Variants in SULF1 observed in about 807,000 individuals in gnomAD.
SULF1 encodes the protein extracellular sulfatase Sulf-1.
Under a neutral mutation model 110.5 loss-of-function variants are expected in SULF1, and 46 were observed. That is an observed-to-expected ratio of 0.42 (90% CI 0.33 to 0.53). SULF1 has a LOEUF of 0.53. SULF1 is among the 20% of genes least tolerant of loss of function. SULF1 has a pLI of 0.12. For missense variants in SULF1, 941 were observed against 1,094.2 expected, an observed-to-expected ratio of 0.86 and a Z score of 1.98; for synonymous variants, 371 against 387.1, an observed-to-expected ratio of 0.96 and a Z score of 0.49.
At chr8:69,573,459 T>C (rs1586439417) in intron 5 of SULF1, among the ~76,000 whole-genome samples, 1 of 152,318 alleles carries the variant, frequency 6.6e-6, no homozygotes, top group South Asian at 2.1e-4. Context: ...GAGATTACAG[T>C]GCTGCGATTC....
Position 69,652,849 on chromosome 8 carries a change from A to C in SULF1, c.2586-5656A>C, listed in dbSNP as rs1053322934. On this transcript the variant is annotated intron_variant, in intron 22 of 22. Transcript: ENST00000402687. ...GTCGCTTTTCTTTTTCTGTCCATAC[A>C]TCTTCTTCCACCACGCAGCTGCGTT... Among the ~76,000 whole-genome samples, 3 of 152,114 alleles carry C rather than the reference A, an allele frequency of 2.0e-5. No homozygotes were observed. In the East Asian group the frequency reaches 5.8e-4, roughly 29 times the overall value.
intron 19 of SULF1, among the ~76,000 whole-genome samples, chr8:69,633,151 T>C (rs1198755516): frequency 6.6e-6 from 1 of 152,208 alleles, no homozygotes; most frequent in Non-Finnish European, 1.5e-5. Flanking sequence ...CATTTTGTTC[T>C]CACTTATTAA....
intron 6 of SULF1, among the ~76,000 whole-genome samples, chr8:69,584,062 G>C (rs1806271983): frequency 6.6e-6 from 1 of 152,218 alleles, no homozygotes; most frequent in South Asian, 2.1e-4. Flanking sequence ...CTCAAAGTAG[G>C]CCTCTGAGGG....
chr8:69,517,976 T>C (rs1812052656), intron 3 of SULF1, among the ~76,000 whole-genome samples: 1 of 152,242 alleles, frequency 6.6e-6, no homozygotes, highest in African/African-American at 2.4e-5. Flanking sequence ...ATGGTTTGTA[T>C]ATTTTTGTTA....
At chr8:69,574,856 A>T (rs1805489581) in intron 5 of SULF1, among the ~76,000 whole-genome samples, 1 of 152,310 alleles carries the variant, frequency 6.6e-6, no homozygotes, top group African/African-American at 2.4e-5. Context: ...TCCTGTTCTC[A>T]TATGCGTCAT....
intron 3 of SULF1, among the ~76,000 whole-genome samples, chr8:69,531,797 T>C (rs1813101715): frequency 6.6e-6 from 1 of 152,194 alleles, no homozygotes; most frequent in Non-Finnish European, 1.5e-5. Flanking sequence ...TCTCTGGAAT[T>C]TCCAAGACGA....
chr8:69,566,279 C>T (rs1012986879), intron 5 of SULF1, among the ~76,000 whole-genome samples: 1 of 152,184 alleles, frequency 6.6e-6, no homozygotes, highest in African/African-American at 2.4e-5. Flanking sequence ...AAGTATTCAT[C>T]ATCATCTACC....
intron 3 of SULF1, among the ~76,000 whole-genome samples, chr8:69,520,157 A>ACACACACC (rs1812201537): frequency 6.9e-6 from 1 of 145,086 alleles, no homozygotes; most frequent in Non-Finnish European, 1.5e-5. Context: ...ACACACACAC[A>ACACACACC]TCACTGTGTC....
intron 6 of SULF1, among the ~76,000 whole-genome samples, chr8:69,578,165 T>C (rs918987814): frequency 6.6e-6 from 1 of 152,176 alleles, no homozygotes; most frequent in African/African-American, 2.4e-5. Flanking sequence ...CCTCTAAGCA[T>C]GTTTCCTGGT....
intron 5 of SULF1, among the ~76,000 whole-genome samples, chr8:69,573,527 T>A (rs888546523): frequency 2.0e-4 from 31 of 152,160 alleles, no homozygotes; most frequent in African/African-American, 7.2e-4. Flanking sequence ...CTGCTAAGGC[T>A]CATAAAGGAA....
At chr8:69,580,346 A>C (rs1473710552) in intron 6 of SULF1, among the ~76,000 whole-genome samples, 1 of 152,232 alleles carries the variant, frequency 6.6e-6, no homozygotes, top group East Asian at 1.9e-4. Flanking sequence ...TGAGGATATC[A>C]ACATTAATAT....
chr8:69,484,429 AC>A (rs1809619334), intron 1 of SULF1, among the ~76,000 whole-genome samples: 1 of 152,226 alleles, frequency 6.6e-6, no homozygotes, highest in Non-Finnish European at 1.5e-5. Flanking sequence ...TGATCTAAAT[AC>A]TTAAAGACAG....
At chr8:69,633,902 G>A (rs1810777924) in intron 19 of SULF1, among the ~76,000 whole-genome samples, 1 of 152,022 alleles carries the variant, frequency 6.6e-6, no homozygotes, top group African/African-American at 2.4e-5. Context: ...TATTGTATTT[G>A]TATATTTCAT....
intron 9 of SULF1, 33 bp from the exon 10 acceptor site, chr8:69,601,621 T>A: frequency 6.4e-7 from 1 of 1,566,198 alleles, no homozygotes; most frequent in Admixed American, 1.8e-5. Context: ...ACCAGCACAA[T>A]TGATTCTGAC....
chr8:69,656,232 T>C (rs1197782998), intron 22 of SULF1, among the ~76,000 whole-genome samples: 1 of 152,202 alleles, frequency 6.6e-6, no homozygotes, highest in African/African-American at 2.4e-5. Context: ...CTGCACTTTA[T>C]AGTTTATTTC....
chr8:69,610,846 A>C (rs1808593850), intron 13 of SULF1, among the ~76,000 whole-genome samples: 2 of 151,990 alleles, frequency 1.3e-5, no homozygotes, highest in African/African-American at 4.8e-5. Context: ...TTACATGTGA[A>C]TCCCACTTTC....
At chr8:69,608,671 G>A (rs900690047) in intron 13 of SULF1, among the ~76,000 whole-genome samples, 2 of 151,838 alleles carry the variant, frequency 1.3e-5, no homozygotes, top group African/African-American at 4.8e-5. Context: ...GGCAAAAAGG[G>A]CGAAACTCCA....
intron 13 of SULF1, among the ~76,000 whole-genome samples, chr8:69,610,771 G>A (rs1563583954): frequency 6.6e-6 from 1 of 152,212 alleles, no homozygotes; most frequent in African/African-American, 2.4e-5. Context: ...TTTGTACTGT[G>A]TCTTCTTTTC....
At chr8:69,538,892 C>T (rs1329218076) in intron 3 of SULF1, among the ~76,000 whole-genome samples, 3 of 152,130 alleles carry the variant, frequency 2.0e-5, no homozygotes, top group Admixed American at 2.0e-4. Context: ...GGGGTTTCAC[C>T]ATGTTGGCCA....
Sources: allele counts gnomAD v4.1 joint callset (sites outside exome capture counted in the v4.1 genomes callset), GRCh38; gene constraint gnomAD v4.1.1; transcripts MANE v1.5; gene names NCBI Gene and HGNC (gene_info 2026-07-23, HGNC 2026-07-21).